GNPTAB: variants seen among roughly 807,000 people sequenced by gnomAD.
GNPTAB encodes the protein N-acetylglucosamine-1-phosphotransferase subunits alpha/beta.
In GNPTAB, 92 loss-of-function variants were observed where a neutral mutation model predicts 136.6. That is an observed-to-expected ratio of 0.67 (90% CI 0.57 to 0.80). The LOEUF (loss-of-function observed/expected upper bound fraction) is 0.80. GNPTAB is among the 30% of genes least tolerant of loss of function. The pLI is 0.00. For missense variants in GNPTAB, 1,343 were observed against 1,501.8 expected (o/e 0.89, Z 1.75); for synonymous variants, 512 against 535.1 (o/e 0.96, Z 0.60).
intron 7 of GNPTAB, among the ~76,000 whole-genome samples, chr12:101,776,922 A>C (rs1953269761): frequency 6.6e-6 from 1 of 152,214 alleles, no homozygotes; most frequent in South Asian, 2.1e-4. Context: ...AAGTGGTTCA[A>C]CAGTTCAAGT....
chr12:101,807,335 A>G (rs1869978728), intron 1 of GNPTAB, among the ~76,000 whole-genome samples: 1 of 152,228 alleles, frequency 6.6e-6, no homozygotes, highest in Non-Finnish European at 1.5e-5. Context: ...CTTAGTGATG[A>G]GAAACTACAT....
intron 16 of GNPTAB, among the ~76,000 whole-genome samples, chr12:101,758,757 T>C (rs1425838750): frequency 6.6e-6 from 1 of 152,226 alleles, no homozygotes; most frequent in Non-Finnish European, 1.5e-5. Context: ...CTTGTCACAC[T>C]GTGTCTCCTC....
intron 5 of GNPTAB, among the ~76,000 whole-genome samples, chr12:101,784,258 G>C (rs918375548): frequency 1.3e-5 from 2 of 152,200 alleles, no homozygotes; most frequent in Non-Finnish European, 2.9e-5. Flanking sequence ...AAGGAGAGAG[G>C]ACTTGAAGTG....
At position 101,764,223 on chromosome 12, in the gene GNPTAB, CTTT is replaced by C. The variant is rs281864999; in HGVS notation, c.2691_2693del (p.Lys898del). 1.5e-5 allele frequency: 24 copies of C among 1,613,844 alleles called. No individual in the cohort carries two copies. Among genetic ancestry groups the C allele is most frequent in the African/African-American group, 2.7e-5 (2 of 74,996 alleles). On this transcript the variant is annotated inframe_deletion, in exon 13 of 21. Coordinates refer to ENST00000299314, the MANE Select transcript of GNPTAB (RefSeq NM_024312.5). ...TTACGTCGAGAAGATCTTGGAAATA[CTTT>C]TTTTTCTCCCATGGCAAAAAGCCCA...
At chr12:101,784,133 C>A (rs186606459) in intron 5 of GNPTAB, among the ~76,000 whole-genome samples, 1 of 152,260 alleles carries the variant, frequency 6.6e-6, no homozygotes, top group East Asian at 1.9e-4. Context: ...ATGAGAAAAA[C>A]CATAAACTCC....
At chr12:101,810,302 T>C (rs1870147649) in intron 1 of GNPTAB, among the ~76,000 whole-genome samples, 1 of 151,738 alleles carries the variant, frequency 6.6e-6, no homozygotes, top group South Asian at 2.1e-4. Context: ...GAGAACTATT[T>C]AGGGGAGAGG....
intron 5 of GNPTAB, 70 bp from the exon 6 acceptor site, chr12:101,780,691 T>C (rs1474966104): frequency 3.0e-6 from 3 of 1,015,220 alleles, no homozygotes; most frequent in African/African-American, 3.2e-5. Context: ...GGCAGAACAC[T>C]GTGAAAACAT....
At chr12:101,792,772 G>A (rs1436066315) in intron 2 of GNPTAB, among the ~76,000 whole-genome samples, 3 of 152,136 alleles carry the variant, frequency 2.0e-5, no homozygotes, top group Non-Finnish European at 2.9e-5. Flanking sequence ...ACTAGATGGA[G>A]TATCTCTAGG....
chr12:101,830,580 G>A lies in GNPTAB; in HGVS notation c.96C>T (p.Val32=), dbSNP rs1228470835. 2.5e-6 allele frequency: 4 copies of A among 1,611,758 alleles called. No individual in the cohort carries two copies. The highest frequency in any genetic ancestry group is 4.5e-5 in the East Asian group (2 of 44,822). ...TCACCTCTCCGAACTGGAAGGCGGAGACGATGGTGACAACGACGCCCAAGA... is the reference window on the plus strand; with the variant it reads ...TCACCTCTCCGAACTGGAAGGCGGAAACGATGGTGACAACGACGCCCAAGA... The part of the protein sequence containing the change: ...VCFLGVVVTI[V]SAFQFGEVVL... The change falls in exon 1 of 21, where the codon GTC becomes GTT. Residue 32 remains valine (V), a synonymous_variant. Coordinates refer to ENST00000299314, the MANE Select transcript of GNPTAB (RefSeq NM_024312.5).
At chr12:101,755,485 G>A (rs1952888830) in intron 18 of GNPTAB, among the ~76,000 whole-genome samples, 2 of 152,146 alleles carry the variant, frequency 1.3e-5, no homozygotes, top group Admixed American at 6.5e-5. Context: ...GGCATTTGGA[G>A]GCAACTGGGG....
At position 101,798,367 on chromosome 12, in the gene GNPTAB, C is replaced by G. The variant is rs375823936; in HGVS notation, c.118-1605G>C. Among the ~76,000 whole-genome samples, 292 of 152,258 alleles carry G rather than the reference C, an allele frequency of 1.9e-3. 6 individuals carry two copies. Among genetic ancestry groups the G allele is most frequent in the African/African-American group, 6.8e-3 (282 of 41,542 alleles). ...TTCCTCCAGCATCCTATTCCACTGC[C>G]CCTAAGAAGTGGCCCTGCTACATTC... On this transcript the variant is annotated intron_variant, in intron 1 of 20. Coordinates refer to ENST00000299314, the MANE Select transcript of GNPTAB (RefSeq NM_024312.5).
chr12:101,758,132 G>A (rs1056039647), intron 16 of GNPTAB, among the ~76,000 whole-genome samples: 3 of 151,088 alleles, frequency 2.0e-5, no homozygotes, highest in African/African-American at 4.9e-5. Context: ...TCCACCTCTC[G>A]GGTTCAAGTG....
In GNPTAB at chr12:101,764,766, T is replaced by C. The variant is rs1189015271; in HGVS notation, c.2151A>G (p.Gln717=). 6.2e-6 allele frequency: 10 copies of C among 1,614,194 alleles called. No individual in the cohort carries two copies. Among genetic ancestry groups the C allele is most frequent in the Non-Finnish European group, 8.5e-6 (10 of 1,180,022 alleles). Residue 717 remains glutamine, a synonymous_variant, in exon 13 of 21, where the codon CAA becomes CAG. Coordinates refer to ENST00000299314, the MANE Select transcript of GNPTAB (RefSeq NM_024312.5). Reference sequence around the variant, plus strand: ...TCAAAGTGATGTCTCCATGTTCCAGTTGCAAATCCAAGGTATTGAGACTCA... The same window carrying C: ...TCAAAGTGATGTCTCCATGTTCCAGCTGCAAATCCAAGGTATTGAGACTCA... ...AQLSLNTLDL[Q]LEHGDITLKG...
chr12:101,800,418 T>C (rs1869549329), intron 1 of GNPTAB, among the ~76,000 whole-genome samples: 2 of 151,852 alleles, frequency 1.3e-5, no homozygotes, highest in Non-Finnish European at 2.9e-5. Flanking sequence ...TCAAAACTAA[T>C]TTGGATGGCC....
chr12:101,771,106 T>C lies in GNPTAB; in HGVS notation c.823A>G (p.Lys275Glu), dbSNP rs781186859. Residue 275 changes from lysine to glutamate, a missense_variant, in exon 8 of 21, where the codon AAG (lysine) becomes GAG (glutamate). By Grantham distance (56) the Lys-to-Glu change is moderately conservative (BLOSUM62 1). Coordinates refer to ENST00000299314, the MANE Select transcript of GNPTAB (RefSeq NM_024312.5). ...SVALLKLNNP[K>E]DFQELNKQTK... ...TGCTTATTCAATTCTTGAAAATCCTTGGGGTTATTCAGTTTTAGAAGCGCT... is the reference window on the plus strand; with the variant it reads ...TGCTTATTCAATTCTTGAAAATCCTCGGGGTTATTCAGTTTTAGAAGCGCT... The C allele has an allele frequency of 6.8e-6, 11 of 1,613,898 alleles. No individual in the cohort carries two copies. In the East Asian group the frequency reaches 2.5e-4, roughly 36 times the overall value.
rs1953050733 is a variant in GNPTAB, at chr12:101,764,294, C to T, written c.2623G>A (p.Val875Met). ...TGCTGCAGCTTTCTTCCAAGTAACA[C>T]TTCAGTAACGCCTATGTGATTTTCA... ...NAENHIGVTEVLLGRKLQHYT... is the reference protein window; with the variant it reads ...NAENHIGVTEMLLGRKLQHYT... Residue 875 changes from valine (V) to methionine (M), a missense_variant, in exon 13 of 21, where the codon GTG (valine) becomes ATG (methionine). Val to Met is a conservative substitution (Grantham distance 21). Transcript: ENST00000299314. The T allele has an allele frequency of 6.2e-7, 1 of 1,614,042 alleles. No individual in the cohort carries two copies. Among genetic ancestry groups the T allele is most frequent in the Non-Finnish European group, 8.5e-7 (1 of 1,179,994 alleles).
rs1348181408 is a variant in GNPTAB at position 101,830,935 on chromosome 12, G to A, written c.-260C>T. 6.7e-6 allele frequency: 1 copy of A among 149,160 alleles called. No homozygotes were observed. The highest frequency in any genetic ancestry group is 1.5e-5 in the Non-Finnish European group (1 of 67,004). The allele number at this position is 149,160 out of a possible 1,614,324, so 9.2% of individuals were successfully genotyped here. A position where few individuals can be genotyped will look rare whatever the true frequency, so the allele number is the denominator to read the frequency against. On this transcript the variant is annotated 5_prime_UTR_variant, in exon 1 of 21. Coordinates refer to ENST00000299314, the MANE Select transcript of GNPTAB (RefSeq NM_024312.5). ...CGGCGAGGCGGCCGGCGCCGCCCGG[G>A]TCTGGCCGGGCGAGAGGCGGCTGCG...
intron 1 of GNPTAB, among the ~76,000 whole-genome samples, chr12:101,823,484 C>T (rs562225734): frequency 3.6e-4 from 54 of 151,988 alleles, no homozygotes; most frequent in Non-Finnish European, 6.3e-4. Flanking sequence ...GTGGTGGGTG[C>T]CTGTAATCCC....
intron 20 of GNPTAB, 78 bp from the exon 21 acceptor site, chr12:101,747,319 G>T: frequency 1.3e-6 from 1 of 795,484 alleles, no homozygotes. Context: ...CTTTCTAAGA[G>T]CCATATGACC....
Sources: gnomAD v4.1 joint callset for allele counts (sites outside exome capture counted in the v4.1 genomes callset) on GRCh38, gnomAD v4.1.1 for gene constraint, MANE v1.5 for transcripts, NCBI Gene and HGNC (gene_info 2026-07-23, HGNC 2026-07-21) for gene names.